MTM1: variants seen among roughly 807,000 people sequenced by gnomAD.
MTM1 encodes myotubularin 1, also known as myotubularin.
MTM1 carries 9 observed loss-of-function variants against 52.1 expected under a neutral mutation model. The observed-to-expected ratio is 0.17, with a 90% confidence interval of 0.10 to 0.30. The LOEUF is 0.30. MTM1 is among the 10% of genes least tolerant of loss of function. The probability of loss-of-function intolerance (pLI) is 1.00; values close to 1 mark genes in which losing one functional copy is unlikely to be tolerated. For missense variants in MTM1, 277 were observed against 470.7 expected (o/e 0.59, Z 3.81); for synonymous variants, 136 against 163.8 (o/e 0.83, Z 1.29).
intron 4 of MTM1, among the ~76,000 whole-genome samples, chrX:150,603,119 A>G (rs1557412770): frequency 8.9e-6 from 1 of 112,080 alleles, no homozygotes; most frequent in African/African-American, 3.2e-5. Flanking sequence ...CAGGAAGGAA[A>G]AAGGAGCATA....
intron 5 of MTM1, among the ~76,000 whole-genome samples, chrX:150,617,980 A>T (rs2039414046): frequency 8.9e-6 from 1 of 111,827 alleles, no homozygotes; most frequent in Non-Finnish European, 1.9e-5. Flanking sequence ...AATAAGATAG[A>T]ATGTTACATC....
At chrX:150,657,693 T>C (rs1326433408) in intron 10 of MTM1, 128 bp from the exon 11 acceptor site, 2 of 618,710 alleles carry the variant, frequency 3.2e-6, no homozygotes, top group Non-Finnish European at 5.3e-6. Context: ...GCTCTTAGTG[T>C]TTCCTTTTGA....
At chrX:150,574,580 T>C (rs781924404) in intron 1 of MTM1, among the ~76,000 whole-genome samples, 1 of 112,689 alleles carries the variant, frequency 8.9e-6, no homozygotes, top group Admixed American at 9.4e-5. Context: ...TTAATATATT[T>C]AACACAGCAT....
intron 4 of MTM1, among the ~76,000 whole-genome samples, chrX:150,599,666 G>C (rs1285330022): frequency 8.9e-6 from 1 of 111,764 alleles, no homozygotes. Context: ...AAAAAATGCT[G>C]TTTATTATCC....
intron 1 of MTM1, among the ~76,000 whole-genome samples, chrX:150,571,069 T>C (rs1189028962): frequency 1.8e-5 from 2 of 112,073 alleles, no homozygotes; most frequent in African/African-American, 3.2e-5. Flanking sequence ...TGGTTCTTGC[T>C]CTTATTGAGG....
chrX:150,570,581 C>A (rs964403948), intron 1 of MTM1, among the ~76,000 whole-genome samples: 1 of 111,059 alleles, frequency 9.0e-6, no homozygotes, highest in Admixed American at 9.6e-5. Context: ...AAATCCTTTG[C>A]TGTTTTCATA....
intron 2 of MTM1, 145 bp from the exon 3 acceptor site, chrX:150,596,353 A>T: frequency 1.7e-5 from 8 of 481,276 alleles, no homozygotes; most frequent in Admixed American, 1.6e-4. Flanking sequence ...TTTTTGTTTG[A>T]ATTTTTGTGC....
At chrX:150,622,194 C>CAAAAAA (rs10717650) in intron 6 of MTM1, among the ~76,000 whole-genome samples, 2 of 68,035 alleles carry the variant, frequency 2.9e-5, no homozygotes, top group African/African-American at 5.5e-5. Context: ...AAGAAACTGC[C>CAAAAAA]AAAAAAAAAA....
chrX:150,648,740 C>T (rs1557414091), intron 9 of MTM1, among the ~76,000 whole-genome samples: 1 of 112,853 alleles, frequency 8.9e-6, no homozygotes, highest in African/African-American at 3.2e-5. Flanking sequence ...CAAGTTAATA[C>T]TTGTAGTTGC....
At chrX:150,658,378 T>C (rs1488137290) in intron 11 of MTM1, among the ~76,000 whole-genome samples, 1 of 111,878 alleles carries the variant, frequency 8.9e-6, no homozygotes, top group Non-Finnish European at 1.9e-5. Flanking sequence ...ATTTCTGATA[T>C]GCATTTTAAA....
At chrX:150,671,402 T>C (rs781927905) in intron 14 of MTM1, 26 bp from the exon 15 acceptor site, 1 of 1,210,298 alleles carries the variant, frequency 8.3e-7, no homozygotes, top group Non-Finnish European at 1.1e-6. Context: ...GCATAAAGTG[T>C]AACTCAAGTC....
intron 1 of MTM1, among the ~76,000 whole-genome samples, chrX:150,578,604 C>T (rs1440242513): frequency 8.9e-6 from 1 of 112,016 alleles, no homozygotes; most frequent in Admixed American, 9.5e-5. Flanking sequence ...TCCATATGGA[C>T]ATCAAACTGT....
chrX:150,613,420 T>C, intron 4 of MTM1, among the ~76,000 whole-genome samples: 1 of 111,335 alleles, frequency 9.0e-6, no homozygotes, highest in East Asian at 2.8e-4. Flanking sequence ...AAAAACTGTA[T>C]ACTTGTTCCA....
At chrX:150,642,390 C>T (rs1404625112) in intron 8 of MTM1, among the ~76,000 whole-genome samples, 1 of 111,970 alleles carries the variant, frequency 8.9e-6, no homozygotes, top group African/African-American at 3.2e-5. Context: ...CAGTGTCTGT[C>T]ATGTTTTTCC....
intron 6 of MTM1, among the ~76,000 whole-genome samples, chrX:150,622,303 C>T: frequency 9.0e-6 from 1 of 111,180 alleles, no homozygotes; most frequent in Non-Finnish European, 1.9e-5. Context: ...GTTTGCCAGT[C>T]ACCAATACAA....
intron 6 of MTM1, among the ~76,000 whole-genome samples, chrX:150,634,680 C>A (rs986181771): frequency 9.9e-5 from 11 of 110,790 alleles, no homozygotes; most frequent in Non-Finnish European, 1.9e-4. Flanking sequence ...TGATGAAATG[C>A]CCAAATACTA....
At chrX:150,569,068 C>T (rs1434388786) in intron 1 of MTM1, among the ~76,000 whole-genome samples, 1 of 113,747 alleles carries the variant, frequency 8.8e-6, no homozygotes, top group African/African-American at 3.2e-5. Flanking sequence ...GCGGCTGGTC[C>T]TCGCCTTGGC....
rs2038862609 is a variant in MTM1, at chrX:150,590,389, C to T, written c.-10-2216C>T. 2.7e-5 allele frequency among the ~76,000 whole-genome samples: 3 copies of T among 111,718 alleles called. No individual in the cohort carries two copies. In the South Asian group the frequency reaches 1.1e-3, roughly 42 times the overall value. ...TGTTCGGTTTCATTTATATGAAATT[C>T]CCAAAGTGGGCAAATTTATAGGGAT... On this transcript the variant is annotated intron_variant, in intron 1 of 14. Transcript: ENST00000370396.
intron 4 of MTM1, among the ~76,000 whole-genome samples, chrX:150,609,103 A>G (rs2039228107): frequency 9.0e-6 from 1 of 111,601 alleles, no homozygotes; most frequent in East Asian, 2.8e-4. Flanking sequence ...CTGGTATTAC[A>G]GGCGTGAGCC....
Sources: allele counts gnomAD v4.1 joint callset (sites outside exome capture counted in the v4.1 genomes callset), GRCh38; gene constraint gnomAD v4.1.1; transcripts MANE v1.5; gene names NCBI Gene and HGNC (gene_info 2026-07-23, HGNC 2026-07-21).